CYP4A22: variants seen among roughly 807,000 people sequenced by gnomAD.
The protein encoded by CYP4A22 is cytochrome P450 4A22.
CYP4A22 carries 46 observed loss-of-function variants against 56.2 expected under a neutral mutation model. That is an observed-to-expected ratio of 0.82 (90% CI 0.65 to 1.05). The LOEUF is 1.05. Among genes scored for constraint, CYP4A22 ranks in the 50% least tolerant of loss-of-function variants. The pLI is 0.00. For missense variants in CYP4A22, 541 were observed against 645.9 expected, an observed-to-expected ratio of 0.84 and a Z score of 1.76; for synonymous variants, 193 against 251.1, an observed-to-expected ratio of 0.77 and a Z score of 2.19.
chr1:47,143,521 C>G lies in CYP4A22; in HGVS notation c.635+128C>G, dbSNP rs12750300. The G allele has an allele frequency of 4.0e-6, 6 of 1,500,408 alleles. No homozygotes were observed. The African/African-American group carries it at 7.0e-5, about 18-fold the overall frequency. The allele number at this position is 1,500,408 out of a possible 1,614,324, so 92.9% of individuals were successfully genotyped here. On this transcript the variant is annotated intron_variant, in intron 5 of 11. Transcript: ENST00000371891. Reference sequence around the variant, plus strand: ...GGAAGAGTCAGTCCCTGACCAAACTCTAATTCCTGTCCAGACCAAACAAAG... The same window carrying G: ...GGAAGAGTCAGTCCCTGACCAAACTGTAATTCCTGTCCAGACCAAACAAAG...
intron 1 of CYP4A22, 22 bp downstream of exon 1, chr1:47,137,702 G>C: frequency 6.3e-7 from 1 of 1,593,782 alleles, no homozygotes; most frequent in Non-Finnish European, 8.6e-7. Context: ...CTCAGTGGGG[G>C]AGTGGGAGGG....
Position 47,148,656 on chromosome 1 carries a change from G to A in CYP4A22, c.1419G>A (p.Leu473=). The A allele has an allele frequency of 6.2e-7, 1 of 1,614,028 alleles. No homozygotes were observed. Among genetic ancestry groups the A allele is most frequent in the Non-Finnish European group, 8.5e-7 (1 of 1,179,928 alleles). Residue 473 remains leucine (L), a synonymous_variant, in exon 12 of 12, where the codon CTG becomes CTA. Transcript: ENST00000371891. Reference sequence around the variant, plus strand: ...ACCAGCTGAAGGTGGCCAGGGCCCTGACCCTGCTCCGCTTTGAGCTGCTGC... The same window carrying A: ...ACCAGCTGAAGGTGGCCAGGGCCCTAACCCTGCTCCGCTTTGAGCTGCTGC... ...AMNQLKVARA[L]TLLRFELLPD...
chr1:47,140,975 C>A, intron 2 of CYP4A22, 54 bp downstream of exon 2: 1 of 1,598,734 alleles, frequency 6.3e-7, no homozygotes, highest in Non-Finnish European at 8.5e-7. Context: ...TGACACATGC[C>A]CCTGGGTCTG....
chr1:47,141,094 C>T (rs1645004004), intron 2 of CYP4A22, among the ~76,000 whole-genome samples, 173 bp downstream of exon 2: 1 of 152,188 alleles, frequency 6.6e-6, no homozygotes, highest in African/African-American at 2.4e-5. Context: ...TTACTGAATA[C>T]TGAATGTTTA....
In CYP4A22 at chr1:47,141,758, C is replaced by T. The variant is rs1241471716; in HGVS notation, c.382+143C>T. The T allele has an allele frequency of 5.3e-5, 61 of 1,145,982 alleles. 1 individual carries two copies. In the East Asian group the frequency reaches 1.6e-3, roughly 29 times the overall value. 71.0% of individuals were successfully genotyped at this position (1,145,982 alleles called of 1,614,324 possible). Reference sequence around the variant, plus strand: ...GCCTCATTTCCCTCTTCTAACAAGACCCTCACCCCTTCCTAATGCTGGTGC... The same window carrying T: ...GCCTCATTTCCCTCTTCTAACAAGATCCTCACCCCTTCCTAATGCTGGTGC... On this transcript the variant is annotated intron_variant, in intron 3 of 11. Transcript: ENST00000371891.
At chr1:47,140,748 G>T (rs1479083554) in intron 1 of CYP4A22, 32 bp from the exon 2 acceptor site, 1 of 1,612,644 alleles carries the variant, frequency 6.2e-7, no homozygotes, top group East Asian at 2.2e-5. Flanking sequence ...AGAAGTAAAT[G>T]AAAGTGTTCA....
intron 4 of CYP4A22, 94 bp downstream of exon 4, chr1:47,142,329 G>A (rs1203927916): frequency 2.0e-6 from 3 of 1,491,794 alleles, no homozygotes; most frequent in Non-Finnish European, 2.7e-6. Context: ...GGCAGCCATA[G>A]ACATAGACAC....
intron 1 of CYP4A22, 102 bp downstream of exon 1, chr1:47,137,782 G>A (rs954382507): frequency 1.6e-5 from 23 of 1,461,404 alleles, no homozygotes; most frequent in Admixed American, 5.2e-5. Flanking sequence ...TGTAACAAAC[G>A]TGAGGCCTCA....
Position 47,149,242 on chromosome 1 carries a change from G to A in CYP4A22, c.*445G>A, listed in dbSNP as rs868799500. The A allele has an allele frequency of 1.5e-4, 24 of 161,284 alleles. No homozygotes were observed. Among genetic ancestry groups the A allele is most frequent in the South Asian group, 5.9e-4 (3 of 5,080 alleles). The allele number at this position is 161,284 out of a possible 1,614,324, so 10.0% of individuals were successfully genotyped here. Reference sequence around the variant, plus strand: ...GTGGCTCTGGAATGTGTCTGGACTTGCTGGCTCCTCGCTCCTTGCTCTCCC... The same window carrying A: ...GTGGCTCTGGAATGTGTCTGGACTTACTGGCTCCTCGCTCCTTGCTCTCCC... On this transcript the variant is annotated 3_prime_UTR_variant, in exon 12 of 12. Coordinates refer to ENST00000371891, the MANE Select transcript of CYP4A22 (RefSeq NM_001010969.4).
In CYP4A22 at chr1:47,139,988, G is replaced by A. The variant is rs537619474; in HGVS notation, c.196-792G>A. 6.6e-5 allele frequency among the ~76,000 whole-genome samples: 10 copies of A among 152,298 alleles called. No homozygotes were observed. The South Asian group carries it at 1.7e-3, about 25-fold the overall frequency. On this transcript the variant is annotated intron_variant, in intron 1 of 11. Coordinates refer to ENST00000371891, the MANE Select transcript of CYP4A22 (RefSeq NM_001010969.4). ...GTGAATCAGCAGCAGTGGTGGCATC[G>A]GCGTTGGAGCTGAAACAAACGGGTG...
At chr1:47,139,416 G>A (rs546515607) in intron 1 of CYP4A22, among the ~76,000 whole-genome samples, 7 of 152,194 alleles carry the variant, frequency 4.6e-5, no homozygotes, top group Non-Finnish European at 1.0e-4. Context: ...AGTGAGTGAG[G>A]AAGAGCTTTC....
At chr1:47,147,598 A>G (rs1489030674) in intron 11 of CYP4A22, among the ~76,000 whole-genome samples, 1 of 152,142 alleles carries the variant, frequency 6.6e-6, no homozygotes, top group Admixed American at 6.5e-5. Context: ...CTGGACTGTG[A>G]GTGTTCATGG....
At chr1:47,140,401 G>A (rs1387101986) in intron 1 of CYP4A22, among the ~76,000 whole-genome samples, 2 of 152,132 alleles carry the variant, frequency 1.3e-5, no homozygotes, top group African/African-American at 2.4e-5. Flanking sequence ...AAATTATTGT[G>A]TAATTTAAAA....
rs1443415131 is a variant in CYP4A22 at position 47,140,934 on chromosome 1, C to A, written c.337+13C>A. ...CTGGGGAGATCAGGTGAGATCGAAC[C>A]CCCATCCCAACTGCAATTTCTCTTC... On this transcript the variant is annotated intron_variant, in intron 2 of 11. Transcript: ENST00000371891. 6.2e-7 allele frequency: 1 copy of A among 1,613,054 alleles called. No individual in the cohort carries two copies.
rs1645107502 is a variant in CYP4A22 at position 47,149,316 on chromosome 1, A to G, written c.*519A>G. The stretch of plus-strand genomic sequence containing the variant: ...AAAGAACCTGCTCTCCATTATCTCA[A>G]GTAACAGAGCAGATGCTAAACCGTC... On this transcript the variant is annotated 3_prime_UTR_variant, in exon 12 of 12. Transcript: ENST00000371891. 6.4e-6 allele frequency: 1 copy of G among 155,592 alleles called. No homozygotes were observed. Among genetic ancestry groups the G allele is most frequent in the Non-Finnish European group, 1.4e-5 (1 of 70,494 alleles). 9.6% of individuals were successfully genotyped at this position (155,592 alleles called of 1,614,324 possible).
At chr1:47,138,694 A>G (rs1368567042) in intron 1 of CYP4A22, among the ~76,000 whole-genome samples, 2 of 152,198 alleles carry the variant, frequency 1.3e-5, no homozygotes, top group Non-Finnish European at 2.9e-5. Flanking sequence ...CAAGATAATT[A>G]TTTTTCTTCC....
chr1:47,148,237 T>C (rs1021132078), intron 11 of CYP4A22, among the ~76,000 whole-genome samples: 2 of 152,356 alleles, frequency 1.3e-5, no homozygotes. Context: ...ACCTCCGCAC[T>C]GGAGAACAAG....
Position 47,144,474 on chromosome 1 carries a change from G to T in CYP4A22, c.897+11G>T, listed in dbSNP as rs1294095276. ...CTCCTCTTGGCCAAAGTGAGTATGT[G>T]TAGGAGAGGCCTGAGTCTTTGCCCA... On this transcript the variant is annotated intron_variant, in intron 7 of 11. Coordinates refer to ENST00000371891, the MANE Select transcript of CYP4A22 (RefSeq NM_001010969.4). 17 of 1,613,910 alleles carry T rather than the reference G, an allele frequency of 1.1e-5. No homozygotes were observed. Among genetic ancestry groups the T allele is most frequent in the Non-Finnish European group, 1.4e-5 (17 of 1,179,882 alleles).
At chr1:47,142,309 G>C in intron 4 of CYP4A22, 74 bp downstream of exon 4, 1 of 1,511,270 alleles carries the variant, frequency 6.6e-7, no homozygotes, top group African/African-American at 1.4e-5. Flanking sequence ...TCTCAACCCT[G>C]TGTCCCACAG....
Sources: gnomAD v4.1 joint callset for allele counts (sites outside exome capture counted in the v4.1 genomes callset) on GRCh38, gnomAD v4.1.1 for gene constraint, MANE v1.5 for transcripts, NCBI Gene and HGNC (gene_info 2026-07-23, HGNC 2026-07-21) for gene names.